ABCC1: variants seen among roughly 807,000 people sequenced by gnomAD.
ABCC1 encodes ATP binding cassette subfamily C member 1 (ABCC1 blood group).
Under a neutral mutation model 172.9 loss-of-function variants are expected in ABCC1, and 83 were observed. The observed-to-expected ratio is 0.48, with a 90% CI of 0.40 to 0.58. The LOEUF (loss-of-function observed/expected upper bound fraction) is 0.58. Among genes scored for constraint, ABCC1 ranks in the 20% least tolerant of loss-of-function variants. The probability of loss-of-function intolerance (pLI) is 0.00; values close to 1 mark genes in which losing one functional copy is unlikely to be tolerated. For synonymous variants in ABCC1, 937 were observed against 825.2 expected (o/e 1.14, Z -2.32); for missense variants, 1,817 against 2,002.7 (o/e 0.91, Z 1.77).
chr16:15,985,910 C>A (rs569821151), intron 1 of ABCC1, among the ~76,000 whole-genome samples: 1 of 152,090 alleles, frequency 6.6e-6, no homozygotes, highest in Admixed American at 6.6e-5. Flanking sequence ...CAAGAGGCCA[C>A]CTGTCTTCCT....
At chr16:16,138,313 CA>C (rs1382088566) in intron 29 of ABCC1, 50 bp from the exon 30 acceptor site, 7 of 1,526,152 alleles carry the variant, frequency 4.6e-6, no homozygotes, top group African/African-American at 1.4e-5. Context: ...GGTTCAGGGT[CA>C]GGGGTGGTTT....
chr16:16,101,063 G>C (rs950162176), intron 19 of ABCC1, among the ~76,000 whole-genome samples: 1 of 150,082 alleles, frequency 6.7e-6, no homozygotes, highest in African/African-American at 2.5e-5. Flanking sequence ...ACAGAGTCTC[G>C]CTCTGTCACC....
intron 5 of ABCC1, among the ~76,000 whole-genome samples, chr16:16,026,830 T>C (rs2048391572): frequency 6.6e-6 from 1 of 151,790 alleles, no homozygotes; most frequent in South Asian, 2.1e-4. Context: ...GGCAGGAGAA[T>C]TGCTTGAACC....
intron 23 of ABCC1, among the ~76,000 whole-genome samples, chr16:16,120,710 G>A (rs1007978878): frequency 1.3e-5 from 2 of 152,172 alleles, no homozygotes; most frequent in Non-Finnish European, 2.9e-5. Context: ...GAGGCAGGCG[G>A]CCTGTGTGCA....
At chr16:16,104,868 C>G (rs965579211) in intron 20 of ABCC1, among the ~76,000 whole-genome samples, 3 of 152,192 alleles carry the variant, frequency 2.0e-5, no homozygotes, top group Admixed American at 1.3e-4. Flanking sequence ...GCTGCTGGCC[C>G]AGGTGCTAAG....
chr16:16,099,228 A>G (rs2051618180), intron 19 of ABCC1, among the ~76,000 whole-genome samples: 2 of 152,194 alleles, frequency 1.3e-5, no homozygotes, highest in South Asian at 4.1e-4. Flanking sequence ...CACACAGTGG[A>G]TGGACAATAA....
At chr16:16,063,472 G>A (rs1229247902) in intron 12 of ABCC1, among the ~76,000 whole-genome samples, 1 of 152,174 alleles carries the variant, frequency 6.6e-6, no homozygotes, top group East Asian at 1.9e-4. Flanking sequence ...TTCATGCTCT[G>A]TAAATGTATG....
At chr16:16,012,102 C>T (rs1447920403) in intron 3 of ABCC1, among the ~76,000 whole-genome samples, 3 of 152,160 alleles carry the variant, frequency 2.0e-5, no homozygotes, top group African/African-American at 4.8e-5. Flanking sequence ...ATGCCCTGCC[C>T]AGACCATGAT....
chr16:15,962,251 GT>G (rs2046150506), intron 1 of ABCC1, among the ~76,000 whole-genome samples: 1 of 152,218 alleles, frequency 6.6e-6, no homozygotes, highest in South Asian at 2.1e-4. Flanking sequence ...TAAAAGATGT[GT>G]TTAAATTTTA....
chr16:16,068,183 G>C lies in ABCC1; in HGVS notation c.1705G>C (p.Val569Leu). The C allele has an allele frequency of 6.2e-7, 1 of 1,614,158 alleles. No homozygotes were observed. The highest frequency in any genetic ancestry group is 8.5e-7 in the Non-Finnish European group (1 of 1,180,048). Residue 569 changes from valine (V) to leucine (L), a missense_variant, in exon 13 of 31, where the codon GTG becomes CTG. This residue lies in a region of ABCC1 where 1,412 missense variants were observed against 1,600.3 expected (regional missense o/e 0.88). Transcript: ENST00000399410. Reference sequence around the variant, plus strand: ...GGCCTTGTGCACATTTGCCGTCTACGTGACCATTGACGAGAACAACATCCT... The same window carrying C: ...GGCCTTGTGCACATTTGCCGTCTACCTGACCATTGACGAGAACAACATCCT... ...LVALCTFAVY[V>L]TIDENNILDA...
intron 1 of ABCC1, among the ~76,000 whole-genome samples, chr16:15,979,827 G>A (rs1186992843): frequency 6.6e-6 from 1 of 152,108 alleles, no homozygotes; most frequent in East Asian, 1.9e-4. Context: ...AAGACCTGGT[G>A]TGGTGTGTGC....
chr16:15,965,344 T>G (rs569134652), intron 1 of ABCC1, among the ~76,000 whole-genome samples: 1 of 152,180 alleles, frequency 6.6e-6, no homozygotes, highest in East Asian at 1.9e-4. Context: ...CAGGCTGAAG[T>G]GCAGTGGTGC....
intron 1 of ABCC1, among the ~76,000 whole-genome samples, chr16:15,980,647 G>T (rs570691608): frequency 4.6e-5 from 7 of 152,156 alleles, no homozygotes; most frequent in Admixed American, 2.0e-4. Flanking sequence ...CAACACATGG[G>T]GATTATGAGA....
intron 16 of ABCC1, among the ~76,000 whole-genome samples, chr16:16,080,710 A>G (rs571200765): frequency 1.6e-3 from 247 of 152,316 alleles, no homozygotes; most frequent in Non-Finnish European, 2.9e-3. Context: ...ACATTAGCAA[A>G]TTAAAGGCTC....
intron 1 of ABCC1, among the ~76,000 whole-genome samples, chr16:15,950,181 C>T (rs2045835707): frequency 6.6e-6 from 1 of 151,866 alleles, no homozygotes; most frequent in Non-Finnish European, 1.5e-5. Context: ...TCTGTTTTCC[C>T]ATCTTTTTTG....
intron 19 of ABCC1, among the ~76,000 whole-genome samples, chr16:16,094,778 G>A (rs2051400369): frequency 1.3e-5 from 2 of 148,654 alleles, no homozygotes; most frequent in Non-Finnish European, 3.0e-5. Flanking sequence ...GCCTCCCAAA[G>A]TGCTGGGATT....
At chr16:16,100,152 G>T (rs986207952) in intron 19 of ABCC1, among the ~76,000 whole-genome samples, 3 of 152,138 alleles carry the variant, frequency 2.0e-5, no homozygotes, top group African/African-American at 7.2e-5. Context: ...CTCCTCTTAG[G>T]CGCTTGGTCC....
intron 1 of ABCC1, among the ~76,000 whole-genome samples, chr16:15,966,214 A>T (rs986253423): frequency 2.6e-5 from 4 of 151,894 alleles, no homozygotes; most frequent in African/African-American, 9.7e-5. Flanking sequence ...GGAGTTGGAG[A>T]CCAGCATGAC....
chr16:16,028,511 C>A (rs1189884911), intron 5 of ABCC1, among the ~76,000 whole-genome samples: 1 of 152,136 alleles, frequency 6.6e-6, no homozygotes, highest in Non-Finnish European at 1.5e-5. Flanking sequence ...GGGTAGAGGG[C>A]TTGGGCTGCA....
Sources: gnomAD v4.1 joint callset for allele counts (sites outside exome capture counted in the v4.1 genomes callset) on GRCh38, gnomAD v4.1.1 for gene constraint, gnomAD v4.1.1 regional missense constraint, MANE v1.5 for transcripts, NCBI Gene and HGNC (gene_info 2026-07-23, HGNC 2026-07-21) for gene names.